Variants in ARAP1 observed in about 807,000 individuals in gnomAD.
ARAP1 encodes ArfGAP with RhoGAP domain, ankyrin repeat and PH domain 1, also known as arf-GAP with Rho-GAP domain, ANK repeat and PH domain-containing protein 1.
In ARAP1, 76 loss-of-function variants were observed where a neutral mutation model predicts 172.2. The ratio of observed to expected loss-of-function variants is 0.44; its 90% CI spans 0.37 to 0.53. The LOEUF (loss-of-function observed/expected upper bound fraction) is 0.53, where lower values mean the gene tolerates loss of function less well. ARAP1 is among the 20% of genes least tolerant of loss of function. The probability of loss-of-function intolerance (pLI) is 0.00; values close to 1 mark genes in which losing one functional copy is unlikely to be tolerated. For missense variants in ARAP1, 1,686 were observed against 1,977.5 expected, an observed-to-expected ratio of 0.85 and a Z score of 2.80; for synonymous variants, 804 against 803.3, an observed-to-expected ratio of 1.00 and a Z score of -0.01.
chr11:72,693,694 A>G lies in ARAP1; in HGVS notation c.3806T>C (p.Leu1269Pro), dbSNP rs751163094. The change falls in exon 28 of 35, where the codon CTG (leucine) becomes CCG (proline). Residue 1269 changes from leucine to proline, a missense_variant and splice_region_variant. Leu to Pro is a moderately conservative substitution (Grantham distance 98, BLOSUM62 -3). Around this residue, in one of 5 missense-constraint regions of ARAP1, gnomAD observed 379 missense variants for 500.1 expected, o/e 0.76. Coordinates refer to ENST00000393609, the MANE Select transcript of ARAP1 (RefSeq NM_001040118.3). The surrounding 1 kb of genome is among the most constrained non-coding windows in gnomAD (Gnocchi z 4.6). The part of the protein sequence containing the change: ...HQAMEAMLLY[L>P]ASRVGDTKHG... ...GCCACCCTGCAGGCACCACCTACCC[A>G]GGTACAGCAGCATGGCCTCCATGGC... 8 of 1,604,576 alleles carry G rather than the reference A, an allele frequency of 5.0e-6. No individual in the cohort carries two copies. The highest frequency in any genetic ancestry group is 6.8e-6 in the Non-Finnish European group (8 of 1,175,500).
chr11:72,705,523 G>T, intron 13 of ARAP1: 1 of 390,312 alleles, frequency 2.6e-6, no homozygotes, highest in African/African-American at 2.1e-5. Flanking sequence ...ATTATTTTCG[G>T]CTTTACAGAA....
Position 72,693,293 on chromosome 11 carries a change from A to T in ARAP1, c.3954+32T>A, listed in dbSNP as rs1591174343. 1.2e-6 allele frequency: 2 copies of T among 1,607,368 alleles called. No individual in the cohort carries two copies. The highest frequency in any genetic ancestry group is 2.7e-5 in the African/African-American group (2 of 74,752). On this transcript the variant is annotated intron_variant, in intron 29 of 34. Coordinates refer to ENST00000393609, the MANE Select transcript of ARAP1 (RefSeq NM_001040118.3). This position sits in a 1 kb window ranked among gnomAD's most constrained non-coding sequence, Gnocchi z 4.6. ...AGCACATTCAGGTGTACAGGTGCCC[A>T]CCCTGGGGCAGAACCCAGCGGGGCC...
chr11:72,726,938 A>C lies in ARAP1; in HGVS notation c.191T>G (p.Leu64Arg). 6.3e-7 allele frequency: 1 copy of C among 1,596,784 alleles called. No homozygotes were observed. The highest frequency in any genetic ancestry group is 8.5e-7 in the Non-Finnish European group (1 of 1,171,912). ...PGHRRRILAG[L>R]LRAHTSPAPA... ...GGCCGGTGAGGTATGGGCACGGAGCAGGCCAGCCAGGATGCGGCGGCGGTG... is the reference window on the plus strand; with the variant it reads ...GGCCGGTGAGGTATGGGCACGGAGCCGGCCAGCCAGGATGCGGCGGCGGTG... Residue 64 changes from leucine to arginine, a missense_variant, in exon 3 of 35, where the codon CTG becomes CGG. Physicochemically the swap from Leu to Arg is moderately radical, Grantham distance 102 (BLOSUM62 -2). This residue lies in a region of ARAP1 where 190 missense variants were observed against 228.6 expected (regional missense o/e 0.83). Transcript: ENST00000393609. The surrounding 1 kb of genome is among the most constrained non-coding windows in gnomAD (Gnocchi z 6.5).
chr11:72,705,601 T>G (rs1856721470), intron 13 of ARAP1: 1 of 513,390 alleles, frequency 1.9e-6, no homozygotes, highest in East Asian at 3.1e-5. Flanking sequence ...TTTACAACTA[T>G]AAAAACATTC....
Position 72,741,105 on chromosome 11 carries a change from G to A in ARAP1, c.-127-8508C>T, listed in dbSNP as rs1288667353. ...ATACCCCCGACCCCTAATGGGTCTG[G>A]GGACCCCTGCCGCTTCCCCCAACTC... On this transcript the variant is annotated intron_variant, in intron 1 of 34. Coordinates refer to ENST00000393609, the MANE Select transcript of ARAP1 (RefSeq NM_001040118.3). The surrounding 1 kb of genome is among the most constrained non-coding windows in gnomAD (Gnocchi z 4.5). 7.8e-6 allele frequency among the ~76,000 whole-genome samples: 1 copy of A among 127,978 alleles called. No individual in the cohort carries two copies. 84.0% of individuals were successfully genotyped at this position (127,978 alleles called of 152,430 possible).
chr11:72,720,607 C>A (rs1474351373), intron 3 of ARAP1, among the ~76,000 whole-genome samples: 1 of 152,154 alleles, frequency 6.6e-6, no homozygotes, highest in Non-Finnish European at 1.5e-5. Context: ...AGAAGGTCTG[C>A]AGCTCCCCAA....
chr11:72,750,370 C>T (rs1292161287), intron 1 of ARAP1, among the ~76,000 whole-genome samples: 5 of 152,110 alleles, frequency 3.3e-5, no homozygotes, highest in African/African-American at 9.7e-5. Flanking sequence ...TGGCTTTGAG[C>T]TCAGCCAAGG....
At chr11:72,724,300 G>A (rs1857625308) in intron 3 of ARAP1, among the ~76,000 whole-genome samples, 1 of 152,142 alleles carries the variant, frequency 6.6e-6, no homozygotes, top group Non-Finnish European at 1.5e-5. Flanking sequence ...CTCCACTGGG[G>A]AGCCTGGAGA....
chr11:72,711,224 C>G, intron 8 of ARAP1, 83 bp from the exon 9 acceptor site: 1 of 1,572,442 alleles, frequency 6.4e-7, no homozygotes, highest in Non-Finnish European at 8.6e-7. Flanking sequence ...GTCTGCAGCC[C>G]TGTCTCCTGC....
Position 72,728,616 on chromosome 11 carries a change from C to T in ARAP1, c.-44-1444G>A, listed in dbSNP as rs533395528. ...CAAAAACAAAAACAAAAGAAACAAA[C>T]GAAAATTAATATAACAGAAATCAAC... On this transcript the variant is annotated intron_variant, in intron 2 of 34. Coordinates refer to ENST00000393609, the MANE Select transcript of ARAP1 (RefSeq NM_001040118.3). Among the ~76,000 whole-genome samples the T allele has an allele frequency of 5.3e-4, 81 of 152,062 alleles. 1 individual carries two copies. The highest frequency in any genetic ancestry group is 1.6e-3 in the African/African-American group (65 of 41,490).
At chr11:72,733,899 C>T (rs1459893108) in intron 1 of ARAP1, among the ~76,000 whole-genome samples, 1 of 152,230 alleles carries the variant, frequency 6.6e-6, no homozygotes, top group Non-Finnish European at 1.5e-5. Context: ...TCTTGGCTCA[C>T]TGCAGCCTCC....
chr11:72,701,910 G>A (rs1048948319), intron 15 of ARAP1, 127 bp from the exon 16 acceptor site: 115 of 1,251,164 alleles, frequency 9.2e-5, no homozygotes, highest in Non-Finnish European at 1.2e-4. Flanking sequence ...CTAACTGGCA[G>A]CCTCAAGCTC....
chr11:72,742,058 A>G (rs1858214674), intron 1 of ARAP1, among the ~76,000 whole-genome samples: 1 of 152,142 alleles, frequency 6.6e-6, no homozygotes, highest in Non-Finnish European at 1.5e-5. Context: ...GGAGAGGGTG[A>G]CCACATGGGT....
intron 31 of ARAP1, 87 bp from the exon 32 acceptor site, chr11:72,687,825 CAGCCAG>C: frequency 6.8e-7 from 1 of 1,474,752 alleles, no homozygotes. Flanking sequence ...CCAGAAGCCA[CAGCCAG>C]AGCCAGAGCC....
rs1349538256 is a variant in ARAP1, at chr11:72,687,675, G to C, written c.4121+13C>G. On this transcript the variant is annotated intron_variant, in intron 32 of 34. Transcript: ENST00000393609. The stretch of plus-strand genomic sequence containing the variant: ...TCCTCAGCCTGGGATCTCAGGATGA[G>C]GCGCTCACTCACCACTGCTGCTTCT... 1 of 1,614,172 alleles carries C rather than the reference G, an allele frequency of 6.2e-7. No individual in the cohort carries two copies. The highest frequency in any genetic ancestry group is 8.5e-7 in the Non-Finnish European group (1 of 1,180,032).
chr11:72,686,459 G>A (rs766469388), intron 33 of ARAP1, among the ~76,000 whole-genome samples: 1 of 152,144 alleles, frequency 6.6e-6, no homozygotes, highest in Non-Finnish European at 1.5e-5. Context: ...AGAGGAACAC[G>A]TCTGCACCCC....
At position 72,699,213 on chromosome 11, in the gene ARAP1, G is replaced by A. The variant is rs371508073; in HGVS notation, c.2439-106C>T. ...TCTGCCCCCTCCGCACTGCCTTGGC[G>A]CTTGTCCTTATTCTGGTCCCCTAAG... On this transcript the variant is annotated intron_variant, in intron 17 of 34. Transcript: ENST00000393609. The surrounding 1 kb of genome is among the most constrained non-coding windows in gnomAD (Gnocchi z 4.2). The A allele has an allele frequency of 2.0e-5, 29 of 1,435,782 alleles. No homozygotes were observed. The East Asian group carries it at 2.1e-4, about 10-fold the overall frequency. The allele number at this position is 1,435,782 out of a possible 1,614,324, so 88.9% of individuals were successfully genotyped here. A position where few individuals can be genotyped will look rare whatever the true frequency, so the allele number is the denominator to read the frequency against.
At chr11:72,739,731 C>T (rs940961864) in intron 1 of ARAP1, among the ~76,000 whole-genome samples, 4 of 152,220 alleles carry the variant, frequency 2.6e-5, no homozygotes, top group African/African-American at 4.8e-5. Flanking sequence ...ACTCCTCTGC[C>T]GTCAGGCAGT....
rs1856139347 is a variant in ARAP1, at chr11:72,695,370, T to C, written c.3576+17A>G. 1.2e-6 allele frequency: 2 copies of C among 1,614,128 alleles called. No individual in the cohort carries two copies. The highest frequency in any genetic ancestry group is 1.7e-6 in the Non-Finnish European group (2 of 1,180,018). On this transcript the variant is annotated intron_variant, in intron 26 of 34. Transcript: ENST00000393609. The surrounding 1 kb of genome is among the most constrained non-coding windows in gnomAD (Gnocchi z 4.4). Reference sequence around the variant, plus strand: ...CCTGATTCTCTAGCCCCTTGGCTTCTAGGTCCCAGCACCTACCTTGATATG... The same window carrying C: ...CCTGATTCTCTAGCCCCTTGGCTTCCAGGTCCCAGCACCTACCTTGATATG...
Sources: gnomAD v4.1 joint callset for allele counts (sites outside exome capture counted in the v4.1 genomes callset) on GRCh38, gnomAD v4.1.1 for gene constraint, gnomAD v4.1.1 regional missense constraint, Gnocchi (gnomAD v3.1) non-coding constraint, MANE v1.5 for transcripts, NCBI Gene and HGNC (gene_info 2026-07-23, HGNC 2026-07-21) for gene names.